Variants in QSER1 observed in about 807,000 individuals in gnomAD.
QSER1 encodes the protein glutamine and serine rich 1.
Under a neutral mutation model 158.5 loss-of-function variants are expected in QSER1, and 49 were observed. The ratio of observed to expected loss-of-function variants is 0.31; its 90% CI spans 0.25 to 0.39. The LOEUF (loss-of-function observed/expected upper bound fraction) is 0.39, where lower values mean the gene tolerates loss of function less well. Ranked by LOEUF, QSER1 falls within the 10% of genes least tolerant of loss-of-function variation. QSER1 has a pLI of 1.00. For missense variants in QSER1, 1,754 were observed against 2,010.3 expected (o/e 0.87, Z 2.44); for synonymous variants, 650 against 715.5 (o/e 0.91, Z 1.46).
intron 4 of QSER1, among the ~76,000 whole-genome samples, chr11:32,953,240 TG>T (rs1852453840): frequency 6.6e-6 from 1 of 151,960 alleles, no homozygotes; most frequent in African/African-American, 2.4e-5. Flanking sequence ...TGTTTCAGAA[TG>T]TTTTGGGTTT....
intron 1 of QSER1, among the ~76,000 whole-genome samples, chr11:32,906,210 G>A (rs1265378549): frequency 6.6e-6 from 1 of 151,102 alleles, no homozygotes; most frequent in African/African-American, 2.4e-5. Flanking sequence ...ATCACTTGAG[G>A]TCAGGTGTTC....
At chr11:32,904,478 C>G (rs1034003891) in intron 1 of QSER1, among the ~76,000 whole-genome samples, 2 of 152,156 alleles carry the variant, frequency 1.3e-5, no homozygotes, top group Admixed American at 1.3e-4. Flanking sequence ...GTGTGAGCCA[C>G]TGCGCCCAGC....
At chr11:32,906,031 GAATT>G (rs1187041926) in intron 1 of QSER1, among the ~76,000 whole-genome samples, 2 of 149,952 alleles carry the variant, frequency 1.3e-5, no homozygotes, top group African/African-American at 4.9e-5. Context: ...CCTTTGTTGT[GAATT>G]AATAATGCAG....
At chr11:32,900,648 C>T (rs1851613191) in intron 1 of QSER1, among the ~76,000 whole-genome samples, 1 of 152,154 alleles carries the variant, frequency 6.6e-6, no homozygotes, top group Non-Finnish European at 1.5e-5. Flanking sequence ...ATGTCATTCC[C>T]CTCCCACCAC....
chr11:32,971,291 T>C (rs891311184), intron 10 of QSER1, among the ~76,000 whole-genome samples: 2 of 152,150 alleles, frequency 1.3e-5, no homozygotes, highest in Admixed American at 6.5e-5. Flanking sequence ...TTACAAATAG[T>C]AGAGAAAGAA....
chr11:32,933,188 T>C lies in QSER1; in HGVS notation c.1930T>C (p.Phe644Leu). Residue 644 changes from phenylalanine (F) to leucine (L), a missense_variant, in exon 4 of 13, where the codon TTT becomes CTT. Transcript: ENST00000650167. The part of the protein sequence containing the change: ...QESSSPQSQK[F>L]LPAVQSSSFA... ...GTCATCATCTCCCCAGTCCCAGAAG[T>C]TTTTGCCTGCTGTCCAGTCATCATC... 1 of 1,613,828 alleles carries C rather than the reference T, an allele frequency of 6.2e-7. No individual in the cohort carries two copies. Among genetic ancestry groups the C allele is most frequent in the Non-Finnish European group, 8.5e-7 (1 of 1,179,932 alleles).
At chr11:32,955,655 G>A (rs961623130) in intron 6 of QSER1, among the ~76,000 whole-genome samples, 6 of 151,898 alleles carry the variant, frequency 4.0e-5, no homozygotes, top group African/African-American at 1.2e-4. Flanking sequence ...AAAGGAAAGG[G>A]ATTAATGTTA....
chr11:32,936,535 T>G (rs957360206), intron 4 of QSER1, among the ~76,000 whole-genome samples: 1 of 152,172 alleles, frequency 6.6e-6, no homozygotes, highest in African/African-American at 2.4e-5. Context: ...AAGGAAAAAT[T>G]TATTTGTAAC....
intron 7 of QSER1, among the ~76,000 whole-genome samples, chr11:32,956,596 A>G (rs539590332): frequency 6.6e-6 from 1 of 152,352 alleles, no homozygotes; most frequent in South Asian, 2.1e-4. Context: ...TGTCTGGAGC[A>G]TGAATCTGGA....
At chr11:32,964,667 C>T (rs1437888002) in intron 8 of QSER1, among the ~76,000 whole-genome samples, 3 of 136,092 alleles carry the variant, frequency 2.2e-5, no homozygotes, top group Admixed American at 1.6e-4. Context: ...AGTTCAAGAC[C>T]AGCCTGGGCA....
chr11:32,915,404 C>G (rs987976446), intron 1 of QSER1, among the ~76,000 whole-genome samples: 1 of 152,014 alleles, frequency 6.6e-6, no homozygotes, highest in African/African-American at 2.4e-5. Flanking sequence ...GTTCATTCTC[C>G]TCTAGGATTT....
intron 8 of QSER1, among the ~76,000 whole-genome samples, chr11:32,963,190 C>G (rs1427021590): frequency 6.6e-6 from 1 of 152,222 alleles, no homozygotes; most frequent in African/African-American, 2.4e-5. Flanking sequence ...AGGTCTCACT[C>G]TGTCACCCAG....
chr11:32,928,139 T>C lies in QSER1; in HGVS notation c.484+16T>C. 4 of 1,526,080 alleles carry C rather than the reference T, an allele frequency of 2.6e-6. No individual in the cohort carries two copies. The highest frequency in any genetic ancestry group is 2.7e-6 in the Non-Finnish European group (3 of 1,100,270). 94.5% of individuals were successfully genotyped at this position (1,526,080 alleles called of 1,614,324 possible). ...TGGCAGACAGGTGATTTTCTGTTTC[T>C]AGAATTTTTAAGTCCTATAAAAATG... is the stretch of plus-strand genomic sequence containing the variant. On this transcript the variant is annotated intron_variant, in intron 3 of 12. Coordinates refer to ENST00000650167, the MANE Select transcript of QSER1 (RefSeq NM_001076786.3).
chr11:32,900,136 T>G (rs1851606322), intron 1 of QSER1, among the ~76,000 whole-genome samples: 2 of 152,258 alleles, frequency 1.3e-5, no homozygotes. Flanking sequence ...AGTTGCCTCC[T>G]GTTGCTTTTC....
At chr11:32,928,265 T>A (rs1172245505) in intron 3 of QSER1, 142 bp downstream of exon 3, 1 of 602,298 alleles carries the variant, frequency 1.7e-6, no homozygotes, top group Non-Finnish European at 2.9e-6. Flanking sequence ...TTTTTCAAAA[T>A]TTTCAGGTGG....
At chr11:32,937,987 C>T (rs1852178145) in intron 4 of QSER1, among the ~76,000 whole-genome samples, 1 of 152,182 alleles carries the variant, frequency 6.6e-6, no homozygotes, top group Non-Finnish European at 1.5e-5. Context: ...TCCCACAGCT[C>T]TTAAATTTCA....
chr11:32,905,848 A>G (rs1851684992), intron 1 of QSER1, among the ~76,000 whole-genome samples: 1 of 152,176 alleles, frequency 6.6e-6, no homozygotes, highest in African/African-American at 2.4e-5. Flanking sequence ...AGCATATTTC[A>G]CAGTATGTCT....
At position 32,903,597 on chromosome 11, in the gene QSER1, ATTTGTTTGTTTG is replaced by A. The variant is rs112672094; in HGVS notation, c.209+10281_209+10292del. 5.3e-5 allele frequency among the ~76,000 whole-genome samples: 8 copies of A among 151,318 alleles called. No homozygotes were observed. The East Asian group carries it at 7.7e-4, about 15-fold the overall frequency. On this transcript the variant is annotated intron_variant, in intron 1 of 12. Transcript: ENST00000650167. ...AACAGGGTGCTTCAGTAAGTTTTTTATTTGTTTGTTTGTTTGTTTGTTTGTTTGTGAGACAGT... is the reference window on the plus strand; with the variant it reads ...AACAGGGTGCTTCAGTAAGTTTTTTATTTGTTTGTTTGTTTGTGAGACAGT...
Position 32,933,731 on chromosome 11 carries a change from G to T in QSER1, c.2473G>T (p.Asp825Tyr). ...VHESKVQEQH[D>Y]QIINASSQIQ... ...TGAGTCCAAGGTCCAGGAACAGCAC[G>T]ATCAAATAATTAATGCTTCATCTCA... The change falls in exon 4 of 13, where the codon GAT (aspartate) becomes TAT (tyrosine). Residue 825 changes from aspartate to tyrosine, a missense_variant. Transcript: ENST00000650167. 1 of 1,613,948 alleles carries T rather than the reference G, an allele frequency of 6.2e-7. No homozygotes were observed. The highest frequency in any genetic ancestry group is 1.1e-5 in the South Asian group (1 of 91,036).
Sources: gnomAD v4.1 joint callset for allele counts (sites outside exome capture counted in the v4.1 genomes callset) on GRCh38, gnomAD v4.1.1 for gene constraint, MANE v1.5 for transcripts, NCBI Gene and HGNC (gene_info 2026-07-23, HGNC 2026-07-21) for gene names.